The following MOB3B variants were observed in gnomAD, a reference collection of about 807,000 sequenced individuals.
The protein encoded by MOB3B is MOB kinase activator 3B.
Under a neutral mutation model 18.7 loss-of-function variants are expected in MOB3B, and 7 were observed. The observed-to-expected ratio is 0.37, with a 90% CI of 0.21 to 0.70. The LOEUF is 0.70. Ranked by LOEUF, MOB3B falls within the 30% of genes least tolerant of loss-of-function variation. The probability of loss-of-function intolerance (pLI) is 0.52; values close to 1 mark genes in which losing one functional copy is unlikely to be tolerated. For missense variants in MOB3B, 253 were observed against 281.3 expected, an observed-to-expected ratio of 0.90 and a Z score of 0.72; for synonymous variants, 111 against 99.9, an observed-to-expected ratio of 1.11 and a Z score of -0.66.
chr9:27,398,244 A>G (rs1180172559), intron 2 of MOB3B, among the ~76,000 whole-genome samples: 1 of 152,174 alleles, frequency 6.6e-6, no homozygotes, highest in African/African-American at 2.4e-5. Flanking sequence ...CCTCCTCCCA[A>G]TCTGGGCAGA....
Position 27,523,039 on chromosome 9 carries a change from C to T in MOB3B, c.-199+6516G>A, listed in dbSNP as rs552831862. Among the ~76,000 whole-genome samples, 9 of 152,188 alleles carry T rather than the reference C, an allele frequency of 5.9e-5. No homozygotes were observed. The South Asian group carries it at 1.9e-3, about 32-fold the overall frequency. ...TTTAGACAAGAACTTTTTAAGCCAA[C>T]TTTTCAATCAAAGTCTGCCATGTTT... On this transcript the variant is annotated intron_variant, in intron 1 of 3. Coordinates refer to ENST00000262244, the MANE Select transcript of MOB3B (RefSeq NM_024761.5).
intron 1 of MOB3B, among the ~76,000 whole-genome samples, chr9:27,521,627 G>C (rs1820332943): frequency 6.6e-6 from 1 of 152,182 alleles, no homozygotes; most frequent in Admixed American, 6.5e-5. Context: ...GTTTTAGGTA[G>C]AGAAGTTATA....
At chr9:27,357,913 A>AAAAAAAAAAAAAAAAAAAAAAAAAAAAC (rs1821217266) in intron 3 of MOB3B, among the ~76,000 whole-genome samples, 1 of 102,210 alleles carries the variant, frequency 9.8e-6, no homozygotes, top group Non-Finnish European at 2.1e-5. Context: ...AAAAAAAAAA[A>AAAAAAAAAAAAAAAAAAAAAAAAAAAAC]AAAAAAAATA....
chr9:27,352,339 A>G (rs1821117302), intron 3 of MOB3B, among the ~76,000 whole-genome samples: 1 of 149,404 alleles, frequency 6.7e-6, no homozygotes. Flanking sequence ...CCATGATCAC[A>G]CCAGCCTGGG....
At position 27,472,678 on chromosome 9, in the gene MOB3B, T is replaced by TAAA. The variant is rs56092176; in HGVS notation, c.-198-16933_-198-16931dup. 2.9e-3 allele frequency among the ~76,000 whole-genome samples: 291 copies of TAAA among 98,910 alleles called. 8 individuals carry two copies. The highest frequency in any genetic ancestry group is 0.011 in the African/African-American group (273 of 24,800). The allele number at this position is 98,910 out of a possible 152,430, so 64.9% of individuals were successfully genotyped here. ...ATTCTCTTTAAACTGCACTTTATTCTAAAAAAAAAAAAAAAAAAAAAAAAA... is the reference window on the plus strand; with the variant it reads ...ATTCTCTTTAAACTGCACTTTATTCTAAAAAAAAAAAAAAAAAAAAAAAAAAAA... On this transcript the variant is annotated intron_variant, in intron 1 of 3. Coordinates refer to ENST00000262244, the MANE Select transcript of MOB3B (RefSeq NM_024761.5).
chr9:27,497,184 C>G (rs2440621), intron 1 of MOB3B, among the ~76,000 whole-genome samples: 139,526 of 152,248 alleles, frequency 0.92, 64,894 homozygotes, highest in East Asian at 1. Context: ...TTCCTACAAA[C>G]TTTGTGGAGG....
chr9:27,481,856 T>A (rs1819662814), intron 1 of MOB3B, among the ~76,000 whole-genome samples: 1 of 152,176 alleles, frequency 6.6e-6, no homozygotes, highest in South Asian at 2.1e-4. Flanking sequence ...ATCGTTGCCA[T>A]GTGGGAATAC....
intron 2 of MOB3B, among the ~76,000 whole-genome samples, chr9:27,426,113 G>A (rs1032564069): frequency 3.9e-5 from 6 of 152,302 alleles, no homozygotes; most frequent in Admixed American, 2.0e-4. Context: ...TAGGAGGTAA[G>A]TGCTACTGTT....
chr9:27,381,316 G>A (rs906668399), intron 2 of MOB3B, among the ~76,000 whole-genome samples: 2 of 152,040 alleles, frequency 1.3e-5, no homozygotes, highest in Non-Finnish European at 2.9e-5. Context: ...ATAAATGGCT[G>A]TTGCCTCTCG....
At chr9:27,428,867 T>C (rs1822377277) in intron 2 of MOB3B, among the ~76,000 whole-genome samples, 1 of 152,230 alleles carries the variant, frequency 6.6e-6, no homozygotes, top group Admixed American at 6.5e-5. Flanking sequence ...AGTTAAGTCC[T>C]GGAAGCTTTA....
chr9:27,506,832 A>ATTTTTTTTTT (rs71492749), intron 1 of MOB3B, among the ~76,000 whole-genome samples: 623 of 120,074 alleles, frequency 5.2e-3, no homozygotes, highest in Non-Finnish European at 7.7e-3. Context: ...ACCCCGGCTA[A>ATTTTTTTTTT]TTTTTTTTTT....
At chr9:27,357,964 G>A (rs1268475057) in intron 3 of MOB3B, among the ~76,000 whole-genome samples, 2 of 150,232 alleles carry the variant, frequency 1.3e-5, no homozygotes, top group Non-Finnish European at 3.0e-5. Context: ...GGAGGCTGAG[G>A]TGGGAGGAGT....
At chr9:27,383,004 A>C (rs2131375846) in intron 2 of MOB3B, among the ~76,000 whole-genome samples, 1 of 152,296 alleles carries the variant, frequency 6.6e-6, no homozygotes, top group Non-Finnish European at 1.5e-5. Context: ...GTAAGATCAT[A>C]AGAGAGAGTT....
intron 3 of MOB3B, among the ~76,000 whole-genome samples, chr9:27,348,897 G>A (rs1030737084): frequency 6.6e-6 from 1 of 152,184 alleles, no homozygotes; most frequent in Non-Finnish European, 1.5e-5. Context: ...TCTGAGAAGC[G>A]GACAATTAGG....
At chr9:27,375,845 A>G (rs10967916) in intron 2 of MOB3B, among the ~76,000 whole-genome samples, 52,170 of 152,134 alleles carry the variant, frequency 0.34, 9,492 homozygotes, top group South Asian at 0.42. Flanking sequence ...AATTCTCTGA[A>G]AAAACTTCTA....
chr9:27,399,288 C>T (rs904633101), intron 2 of MOB3B, among the ~76,000 whole-genome samples: 3 of 152,182 alleles, frequency 2.0e-5, no homozygotes, highest in African/African-American at 7.2e-5. Context: ...GGCTATGCCT[C>T]ATCTGAAACT....
At chr9:27,405,093 C>CTTTTTTTTTTTTTT (rs74178386) in intron 2 of MOB3B, among the ~76,000 whole-genome samples, 1 of 48,370 alleles carries the variant, frequency 2.1e-5, no homozygotes, top group African/African-American at 8.8e-5. Flanking sequence ...GAACCTTTGT[C>CTTTTTTTTTTTTTT]TTTTTTTTTT....
chr9:27,394,320 T>A (rs1424347725), intron 2 of MOB3B: 2 of 152,040 alleles, frequency 1.3e-5, no homozygotes, highest in Non-Finnish European at 2.9e-5. Flanking sequence ...TTGCTAAGAC[T>A]CACTTTATTA....
intron 1 of MOB3B, among the ~76,000 whole-genome samples, chr9:27,513,031 T>C (rs922737922): frequency 3.9e-5 from 6 of 152,166 alleles, no homozygotes; most frequent in African/African-American, 1.4e-4. Flanking sequence ...TTGGCTAAAG[T>C]ATAAGGGAGC....
Sources: gnomAD v4.1 joint callset for allele counts (sites outside exome capture counted in the v4.1 genomes callset) on GRCh38, gnomAD v4.1.1 for gene constraint, MANE v1.5 for transcripts, NCBI Gene and HGNC (gene_info 2026-07-23, HGNC 2026-07-21) for gene names.